The following AGMO variants were observed in gnomAD, a reference collection of about 807,000 sequenced individuals.
AGMO encodes glyceryl-ether monooxygenase.
AGMO carries 75 observed loss-of-function variants against 60.2 expected under a neutral mutation model. The ratio of observed to expected loss-of-function variants is 1.25; its 90% CI spans 1.03 to 1.51. The LOEUF is 1.51. Among genes scored for constraint, AGMO ranks in the 40% most tolerant of loss-of-function variants. The probability of loss-of-function intolerance (pLI) is 0.00; values close to 1 mark genes in which losing one functional copy is unlikely to be tolerated. For missense variants in AGMO, 763 were observed against 525.5 expected (o/e 1.45, Z -4.42); for synonymous variants, 261 against 177.1 (o/e 1.47, Z -3.76).
intron 3 of AGMO, among the ~76,000 whole-genome samples, chr7:15,541,331 A>T (rs996761693): frequency 6.6e-6 from 1 of 152,114 alleles, no homozygotes; most frequent in Non-Finnish European, 1.5e-5. Flanking sequence ...CATGTTGGTC[A>T]GGCTGGTCTC....
At chr7:15,246,416 A>G (rs1168441619) in intron 12 of AGMO, among the ~76,000 whole-genome samples, 2 of 152,170 alleles carry the variant, frequency 1.3e-5, no homozygotes, top group Admixed American at 6.5e-5. Context: ...ATATTCTCTG[A>G]TAAGGTAGAT....
intron 3 of AGMO, among the ~76,000 whole-genome samples, chr7:15,457,372 G>A (rs1269269379): frequency 6.6e-6 from 1 of 152,008 alleles, no homozygotes; most frequent in African/African-American, 2.4e-5. Flanking sequence ...GTTTAATCTT[G>A]GATTTCTTAA....
At chr7:15,540,550 C>A (rs1416912273) in intron 3 of AGMO, among the ~76,000 whole-genome samples, 4 of 152,068 alleles carry the variant, frequency 2.6e-5, no homozygotes, top group African/African-American at 4.8e-5. Context: ...AGTGAGCTGG[C>A]AAAAGAGAAA....
chr7:15,358,928 A>C (rs1782646630), intron 12 of AGMO, among the ~76,000 whole-genome samples: 1 of 152,176 alleles, frequency 6.6e-6, no homozygotes, highest in Admixed American at 6.5e-5. Context: ...CGATTTTAAC[A>C]ATGGCATTAA....
intron 3 of AGMO, among the ~76,000 whole-genome samples, chr7:15,530,793 CATTTCTCTATATATTCTATATAT>C: frequency 9.0e-6 from 1 of 111,212 alleles, no homozygotes; most frequent in Non-Finnish European, 1.7e-5. Flanking sequence ...TCTATATATA[CATTTCTCTATATATTCTATATAT>C]ACATTTCTAT....
chr7:15,498,047 G>A (rs1463475684), intron 3 of AGMO, among the ~76,000 whole-genome samples: 3 of 151,766 alleles, frequency 2.0e-5, no homozygotes, highest in African/African-American at 2.4e-5. Context: ...TAATTAGCTC[G>A]GTTCCCCTCA....
At chr7:15,427,781 A>G (rs951752978) in intron 4 of AGMO, among the ~76,000 whole-genome samples, 1 of 152,140 alleles carries the variant, frequency 6.6e-6, no homozygotes, top group Non-Finnish European at 1.5e-5. Context: ...GCAAAACCAT[A>G]TATTGCAGTG....
chr7:15,124,739 A>T, the AGMO span, among the ~76,000 whole-genome samples: 1 of 152,042 alleles, frequency 6.6e-6, no homozygotes, highest in East Asian at 1.9e-4. Context: ...TGATTCAGGG[A>T]TAATATCAAT....
chr7:15,288,310 T>C (rs981413333), intron 12 of AGMO, among the ~76,000 whole-genome samples: 1 of 152,192 alleles, frequency 6.6e-6, no homozygotes, highest in Admixed American at 6.5e-5. Flanking sequence ...TTTCTAAACA[T>C]TGTTTTCCTA....
intron 8 of AGMO, among the ~76,000 whole-genome samples, chr7:15,390,214 C>T (rs541582026): frequency 1.3e-5 from 2 of 152,174 alleles, no homozygotes; most frequent in South Asian, 4.1e-4. Flanking sequence ...CGAGGTAATG[C>T]ACAGACTTAA....
At chr7:15,246,897 T>C (rs577066872) in intron 12 of AGMO, among the ~76,000 whole-genome samples, 2 of 152,210 alleles carry the variant, frequency 1.3e-5, no homozygotes, top group South Asian at 4.2e-4. Flanking sequence ...ACACTAGAAA[T>C]CTATTTTCCA....
At chr7:15,529,405 T>C (rs551945977) in intron 3 of AGMO, among the ~76,000 whole-genome samples, 36 of 149,398 alleles carry the variant, frequency 2.4e-4, no homozygotes, top group African/African-American at 8.6e-4. Context: ...TAATTTGGGC[T>C]ACACACTAAA....
At chr7:15,493,502 T>A (rs1398581732) in intron 3 of AGMO, among the ~76,000 whole-genome samples, 1 of 149,948 alleles carries the variant, frequency 6.7e-6, no homozygotes, top group African/African-American at 2.5e-5. Flanking sequence ...GCCTCCCGCG[T>A]AGCTGGGTCT....
At chr7:15,164,526 C>T in the AGMO span, among the ~76,000 whole-genome samples, 1 of 151,872 alleles carries the variant, frequency 6.6e-6, no homozygotes, top group Admixed American at 6.6e-5. Flanking sequence ...ACTCAAAAAA[C>T]TCCACAAGAC....
intron 12 of AGMO, among the ~76,000 whole-genome samples, chr7:15,302,240 T>A (rs1273158295): frequency 2.0e-5 from 3 of 152,176 alleles, no homozygotes; most frequent in Non-Finnish European, 2.9e-5. Context: ...TCATCAAATA[T>A]TTTTTACCTC....
At chr7:15,399,759 G>C (rs1038824016) in intron 5 of AGMO, among the ~76,000 whole-genome samples, 3 of 152,110 alleles carry the variant, frequency 2.0e-5, no homozygotes, top group Non-Finnish European at 4.4e-5. Flanking sequence ...CCGTCGTTAT[G>C]TCATTTCCCC....
chr7:15,424,270 T>G (rs1214885341), intron 4 of AGMO, among the ~76,000 whole-genome samples: 1 of 152,158 alleles, frequency 6.6e-6, no homozygotes, highest in African/African-American at 2.4e-5. Flanking sequence ...CTTACTTATC[T>G]TTATATCCCC....
chr7:15,424,748 C>T (rs1052737759), intron 4 of AGMO, among the ~76,000 whole-genome samples: 5 of 151,988 alleles, frequency 3.3e-5, no homozygotes, highest in African/African-American at 4.8e-5. Flanking sequence ...CTTGGAGTTC[C>T]GAGGCAAAGT....
chr7:15,368,186 A>G (rs1783058010), intron 10 of AGMO, among the ~76,000 whole-genome samples: 1 of 151,856 alleles, frequency 6.6e-6, no homozygotes, highest in Admixed American at 6.6e-5. Flanking sequence ...TGGGTGAGTC[A>G]GTGAAAGCCA....
Sources: allele counts gnomAD v4.1 joint callset (sites outside exome capture counted in the v4.1 genomes callset), GRCh38; gene constraint gnomAD v4.1.1; transcripts MANE v1.5; gene names NCBI Gene and HGNC (gene_info 2026-07-23, HGNC 2026-07-21).